Variants in DDIAS observed in about 807,000 individuals in gnomAD.
DDIAS encodes DNA damage-induced apoptosis suppressor protein.
In DDIAS, 14 loss-of-function variants were observed where a neutral mutation model predicts 15.7. That is an observed-to-expected ratio of 0.89 (90% CI 0.59 to 1.39). The LOEUF (loss-of-function observed/expected upper bound fraction) is 1.39, where lower values mean the gene tolerates loss of function less well. DDIAS is among the 40% of genes most tolerant of loss of function. DDIAS has a pLI of 0.00. For synonymous variants in DDIAS, 355 were observed against 395.9 expected (o/e 0.90, Z 1.23); for missense variants, 1,035 against 1,130.9 (o/e 0.92, Z 1.22).
intron 5 of DDIAS, among the ~76,000 whole-genome samples, chr11:82,930,754 A>G (rs935360949): frequency 6.6e-5 from 10 of 150,754 alleles, no homozygotes; most frequent in Non-Finnish European, 1.0e-4. Context: ...GTTAAAAAAA[A>G]AAGAAGTTAC....
At chr11:82,929,572 G>A (rs763655471) in intron 4 of DDIAS, among the ~76,000 whole-genome samples, 12 of 151,976 alleles carry the variant, frequency 7.9e-5, no homozygotes, top group Non-Finnish European at 1.2e-4. Context: ...GCATGGTGGT[G>A]GGCGCCTGTA....
chr11:82,934,492 C>G lies in DDIAS; in HGVS notation c.*157C>G. ...CTACTGTGCCTTTTAAAATATAAAG[C>G]CATTGTTTTCCCCAGGGTTTTATCT... On this transcript the variant is annotated 3_prime_UTR_variant, in exon 6 of 6. Coordinates refer to ENST00000533655, the MANE Select transcript of DDIAS (RefSeq NM_145018.4). 1.5e-6 allele frequency: 1 copy of G among 671,410 alleles called. No individual in the cohort carries two copies. Among genetic ancestry groups the G allele is most frequent in the Non-Finnish European group, 2.3e-6 (1 of 430,378 alleles). The allele number at this position is 671,410 out of a possible 1,614,324, so 41.6% of individuals were successfully genotyped here.
chr11:82,911,281 A>G (rs1278327380), intron 1 of DDIAS, among the ~76,000 whole-genome samples: 2 of 152,178 alleles, frequency 1.3e-5, no homozygotes, highest in Non-Finnish European at 2.9e-5. Context: ...ATGCTGTTTG[A>G]TAGCGTTTTA....
intron 3 of DDIAS, among the ~76,000 whole-genome samples, chr11:82,923,680 A>T (rs919289965): frequency 6.6e-6 from 1 of 152,214 alleles, no homozygotes; most frequent in Non-Finnish European, 1.5e-5. Context: ...AGTGCTGAGT[A>T]GTAGGTAAGA....
At chr11:82,908,026 A>G (rs893045285) in intron 1 of DDIAS, among the ~76,000 whole-genome samples, 1 of 152,238 alleles carries the variant, frequency 6.6e-6, no homozygotes. Context: ...GGTTAGTACC[A>G]TGAAGGATAA....
intron 3 of DDIAS, among the ~76,000 whole-genome samples, chr11:82,920,018 C>T (rs568070954): frequency 2.6e-5 from 4 of 152,176 alleles, no homozygotes; most frequent in Non-Finnish European, 5.9e-5. Context: ...GCACCACGCC[C>T]GGCCTTTTGT....
chr11:82,923,236 C>T (rs1860793837), intron 3 of DDIAS, among the ~76,000 whole-genome samples: 1 of 152,240 alleles, frequency 6.6e-6, no homozygotes, highest in Non-Finnish European at 1.5e-5. Flanking sequence ...GAGCTGCAAT[C>T]TAATCCTGCC....
At chr11:82,924,837 A>T (rs888287517) in intron 3 of DDIAS, among the ~76,000 whole-genome samples, 10 of 131,974 alleles carry the variant, frequency 7.6e-5, no homozygotes, top group South Asian at 2.4e-4. Context: ...GAATAAAAAT[A>T]AAAAAAAAAC....
rs1012193848 is a variant in DDIAS at position 82,929,593 on chromosome 11, C to T, written c.276-564C>T. 9.2e-5 allele frequency among the ~76,000 whole-genome samples: 14 copies of T among 151,464 alleles called. No individual in the cohort carries two copies. The East Asian group carries it at 2.5e-3, about 27-fold the overall frequency. ...TGGTGGGCGCCTGTAGTCCCAGCTACGCCGGGAGGCTGAGGCAGGAGAATG... is the reference window on the plus strand; with the variant it reads ...TGGTGGGCGCCTGTAGTCCCAGCTATGCCGGGAGGCTGAGGCAGGAGAATG... On this transcript the variant is annotated intron_variant, in intron 4 of 5. Coordinates refer to ENST00000533655, the MANE Select transcript of DDIAS (RefSeq NM_145018.4).
In DDIAS at chr11:82,918,050, A is replaced by G. The variant is rs184940154; in HGVS notation, c.113+3199A>G. 1.3e-3 allele frequency among the ~76,000 whole-genome samples: 205 copies of G among 152,208 alleles called. 3 individuals carry two copies. Among genetic ancestry groups the G allele is most frequent in the African/African-American group, 4.6e-3 (193 of 41,524 alleles). ...TGGATGTTAGTCCTTTGTCAGATGT[A>G]TAGATTGTGAAGATTTTCTTCCACT... On this transcript the variant is annotated intron_variant, in intron 3 of 5. Coordinates refer to ENST00000533655, the MANE Select transcript of DDIAS (RefSeq NM_145018.4).
At position 82,914,985 on chromosome 11, in the gene DDIAS, C is replaced by T. The variant is rs1490733048; in HGVS notation, c.113+134C>T. ...CTCAGGGGTTGGTTCTTCTGTAAAT[C>T]CCAGAACAGATTTCACTGCTAATCC... is the stretch of plus-strand genomic sequence containing the variant. On this transcript the variant is annotated intron_variant, in intron 3 of 5. Transcript: ENST00000533655. 5.2e-6 allele frequency: 3 copies of T among 573,080 alleles called. No individual in the cohort carries two copies. The African/African-American group carries it at 5.9e-5, about 11-fold the overall frequency. 35.5% of individuals were successfully genotyped at this position (573,080 alleles called of 1,614,324 possible).
chr11:82,916,063 G>A (rs1351128946), intron 3 of DDIAS, among the ~76,000 whole-genome samples: 2 of 152,112 alleles, frequency 1.3e-5, no homozygotes, highest in African/African-American at 4.8e-5. Flanking sequence ...TTACTGTAAT[G>A]GAACAATTTC....
Position 82,933,361 on chromosome 11 carries a change from GC to G in DDIAS, c.2025del (p.Ser676LeufsTer27). On this transcript the variant is annotated frameshift_variant, in exon 6 of 6. Coordinates refer to ENST00000533655, the MANE Select transcript of DDIAS (RefSeq NM_145018.4). LOFTEE classifies it low-confidence loss of function (END_TRUNC). Reference sequence around the variant, plus strand: ...TATTGGTTATGAAGGTAGCTATGATGCCTCTGCTGATCTCTTTGATGATATT... The same window carrying G: ...TATTGGTTATGAAGGTAGCTATGATGCTCTGCTGATCTCTTTGATGATATT... ...YSIGYEGSYDASADLFDDIAK... is the reference protein window; with the variant it reads ...YSIGYEGSYDXSADLFDDIAK... The G allele has an allele frequency of 6.2e-7, 1 of 1,613,954 alleles. No homozygotes were observed. The highest frequency in any genetic ancestry group is 2.2e-5 in the East Asian group (1 of 44,856).
At position 82,921,294 on chromosome 11, in the gene DDIAS, A is replaced by G. The variant is rs186940181; in HGVS notation, c.113+6443A>G. ...TAGGTGAGTCTCCTGAAGGCAGCAG[A>G]TGGTTGGTGAGTTCTTATCCATTCT... On this transcript the variant is annotated intron_variant, in intron 3 of 5. Coordinates refer to ENST00000533655, the MANE Select transcript of DDIAS (RefSeq NM_145018.4). 1.8e-3 allele frequency among the ~76,000 whole-genome samples: 279 copies of G among 152,168 alleles called. 2 individuals are homozygous for G. The highest frequency in any genetic ancestry group is 6.2e-3 in the African/African-American group (258 of 41,516).
intron 3 of DDIAS, among the ~76,000 whole-genome samples, chr11:82,919,220 T>C (rs764826159): frequency 6.6e-6 from 1 of 152,196 alleles, no homozygotes; most frequent in Non-Finnish European, 1.5e-5. Context: ...CATTGTTATG[T>C]TGGCTGTGGG....
intron 3 of DDIAS, among the ~76,000 whole-genome samples, chr11:82,928,345 C>G (rs912272880): frequency 5.3e-5 from 8 of 151,178 alleles, no homozygotes; most frequent in Admixed American, 4.0e-4. Context: ...ATTACAGGTG[C>G]CCATCACCAC....
At chr11:82,925,401 A>T (rs77496518) in intron 3 of DDIAS, among the ~76,000 whole-genome samples, 1,918 of 152,142 alleles carry the variant, frequency 0.013, 33 homozygotes, top group African/African-American at 0.043. Context: ...GTTCAAGCCT[A>T]GTCAGGGCAA....
intron 3 of DDIAS, among the ~76,000 whole-genome samples, chr11:82,926,921 G>T (rs1860874565): frequency 6.6e-6 from 1 of 152,038 alleles, no homozygotes; most frequent in South Asian, 2.1e-4. Flanking sequence ...AGTTTTTTGA[G>T]GCTATTATTG....
Position 82,933,173 on chromosome 11 carries a change from AAC to A in DDIAS, c.1837_1838del (p.Gln613IlefsTer3). The A allele has an allele frequency of 6.2e-7, 1 of 1,611,920 alleles. No individual in the cohort carries two copies. Among genetic ancestry groups the A allele is most frequent in the South Asian group, 1.1e-5 (1 of 90,866 alleles). ...TCTGATCTTTGCAAATTAGAAAATA[AAC>A]AATATTGTAGGTGGTCCAAGAACCA... On this transcript the variant is annotated frameshift_variant, in exon 6 of 6. Transcript: ENST00000533655. LOFTEE classifies it low-confidence loss of function (END_TRUNC).
Sources: allele counts gnomAD v4.1 joint callset (sites outside exome capture counted in the v4.1 genomes callset), GRCh38; gene constraint gnomAD v4.1.1; transcripts MANE v1.5; gene names NCBI Gene and HGNC (gene_info 2026-07-23, HGNC 2026-07-21).